The following WDFY1 variants were observed in gnomAD, a reference collection of about 807,000 sequenced individuals.
WDFY1 encodes the protein WD repeat and FYVE domain containing 1.
WDFY1 carries 32 observed loss-of-function variants against 56.4 expected under a neutral mutation model. The observed-to-expected ratio is 0.57, with a 90% confidence interval of 0.43 to 0.76. The LOEUF is 0.76. Among genes scored for constraint, WDFY1 ranks in the 30% least tolerant of loss-of-function variants. The pLI is 0.00. For missense variants in WDFY1, 480 were observed against 545.7 expected, an observed-to-expected ratio of 0.88 and a Z score of 1.20; for synonymous variants, 192 against 197.3, an observed-to-expected ratio of 0.97 and a Z score of 0.23.
At chr2:223,915,660 CAAT>C (rs1693775492) in intron 2 of WDFY1, among the ~76,000 whole-genome samples, 1 of 152,156 alleles carries the variant, frequency 6.6e-6, no homozygotes, top group African/African-American at 2.4e-5. Context: ...AAATTTTCCC[CAAT>C]GATGACAAAA....
chr2:223,911,813 T>C (rs1342549406), intron 3 of WDFY1, among the ~76,000 whole-genome samples: 1 of 76,582 alleles, frequency 1.3e-5, no homozygotes, highest in African/African-American at 4.8e-5. Context: ...CTATACTGAA[T>C]TAAACTTTTT....
intron 3 of WDFY1, among the ~76,000 whole-genome samples, chr2:223,911,995 C>T (rs1383525518): frequency 3.3e-5 from 5 of 151,712 alleles, no homozygotes; most frequent in Non-Finnish European, 7.4e-5. Context: ...TTTGATTTTT[C>T]GTTGAGATGA....
chr2:223,917,565 AT>A (rs1693808163), intron 2 of WDFY1, among the ~76,000 whole-genome samples: 2 of 152,096 alleles, frequency 1.3e-5, no homozygotes, highest in Admixed American at 1.3e-4. Flanking sequence ...TTAATCAGAC[AT>A]TTTGAAACTT....
intron 8 of WDFY1, among the ~76,000 whole-genome samples, chr2:223,889,761 T>A (rs1693236117): frequency 6.6e-6 from 1 of 152,246 alleles, no homozygotes; most frequent in African/African-American, 2.4e-5. Context: ...CAGTAGTATA[T>A]ACCTCATAAG....
chr2:223,884,862 T>TTCA, intron 8 of WDFY1, 113 bp from the exon 9 acceptor site: 4 of 273,658 alleles, frequency 1.5e-5, no homozygotes, highest in Non-Finnish European at 2.3e-5. Flanking sequence ...TTTTCTTCTT[T>TTCA]TTTTTTTTTT....
chr2:223,915,790 G>T (rs569988794), intron 2 of WDFY1, among the ~76,000 whole-genome samples: 52 of 152,278 alleles, frequency 3.4e-4, no homozygotes, highest in African/African-American at 1.2e-3. Flanking sequence ...TGGGAGACTG[G>T]GGCAGGTTGG....
chr2:223,893,354 CAA>C (rs557812473), intron 8 of WDFY1, among the ~76,000 whole-genome samples: 23 of 108,676 alleles, frequency 2.1e-4, no homozygotes, highest in African/African-American at 3.0e-4. Context: ...CTGTCTCTAC[CAA>C]AAAAAAAAAA....
chr2:223,945,310 C>G lies in WDFY1; in HGVS notation c.-26G>C, dbSNP rs781766269. The G allele has an allele frequency of 1.9e-6, 3 of 1,551,846 alleles. No homozygotes were observed. The highest frequency in any genetic ancestry group is 2.6e-6 in the Non-Finnish European group (3 of 1,157,720). ...GTTCGCGCGGCGACTGCTGCGGCCT[C>G]CTCGGCAGGCAGCCCATCAGCTGAC... On this transcript the variant is annotated 5_prime_UTR_variant, in exon 1 of 12. Transcript: ENST00000233055.
rs1692952100 is a variant in WDFY1 at position 223,875,470 on chromosome 2, T to C, written c.*3201A>G. 1 of 151,486 alleles carries C rather than the reference T, an allele frequency of 6.6e-6. No homozygotes were observed. Among genetic ancestry groups the C allele is most frequent in the Non-Finnish European group, 1.5e-5 (1 of 67,974 alleles). The allele number at this position is 151,486 out of a possible 1,614,324, so 9.4% of individuals were successfully genotyped here. A position where few individuals can be genotyped will look rare whatever the true frequency, so the allele number is the denominator to read the frequency against. On this transcript the variant is annotated 3_prime_UTR_variant, in exon 12 of 12. Transcript: ENST00000233055. ...TCTCTGGGATACACAGGGCACCATATCTTATAGAAACATAGCTAGTACAAG... is the reference window on the plus strand; with the variant it reads ...TCTCTGGGATACACAGGGCACCATACCTTATAGAAACATAGCTAGTACAAG...
intron 6 of WDFY1, among the ~76,000 whole-genome samples, chr2:223,896,678 G>A (rs1477590653): frequency 1.3e-5 from 2 of 152,088 alleles, no homozygotes; most frequent in Non-Finnish European, 2.9e-5. Flanking sequence ...AATTTTGGTA[G>A]GTATATAGAA....
chr2:223,885,079 A>C (rs1383581084), intron 8 of WDFY1, among the ~76,000 whole-genome samples: 1 of 151,950 alleles, frequency 6.6e-6, no homozygotes, highest in Non-Finnish European at 1.5e-5. Context: ...TGACCTCCCA[A>C]AGTGCTGGGA....
intron 4 of WDFY1, among the ~76,000 whole-genome samples, chr2:223,902,936 T>A (rs912385887): frequency 2.0e-5 from 3 of 152,170 alleles, no homozygotes; most frequent in Non-Finnish European, 2.9e-5. Context: ...AAAGATGCTG[T>A]AGTGAATAGT....
chr2:223,940,819 GTTT>G (rs760193084), intron 1 of WDFY1, among the ~76,000 whole-genome samples: 1 of 149,412 alleles, frequency 6.7e-6, no homozygotes, highest in Non-Finnish European at 1.5e-5. Flanking sequence ...ATTTTTGTGG[GTTT>G]TTTTGTTTTT....
chr2:223,878,587 G>A lies in WDFY1; in HGVS notation c.*84C>T, dbSNP rs900548187. The stretch of plus-strand genomic sequence containing the variant: ...TTGTAAGTGGCTACTGTCCATTCAC[G>A]AGACAGCGCTGTGGAGCTGCGTGAG... On this transcript the variant is annotated 3_prime_UTR_variant, in exon 12 of 12. Transcript: ENST00000233055. The A allele has an allele frequency of 1.2e-5, 12 of 1,024,258 alleles. No homozygotes were observed. The Admixed American group carries it at 2.2e-4, about 19-fold the overall frequency. 63.4% of individuals were successfully genotyped at this position (1,024,258 alleles called of 1,614,324 possible).
At chr2:223,920,672 C>T (rs1339271919) in intron 1 of WDFY1, among the ~76,000 whole-genome samples, 1 of 152,168 alleles carries the variant, frequency 6.6e-6, no homozygotes, top group Non-Finnish European at 1.5e-5. Context: ...CAAAGTCTCA[C>T]CAGGCATGGC....
intron 1 of WDFY1, among the ~76,000 whole-genome samples, chr2:223,939,192 CT>C (rs1187693502): frequency 1.3e-5 from 2 of 152,206 alleles, no homozygotes; most frequent in Non-Finnish European, 2.9e-5. Flanking sequence ...CCCCACCTGA[CT>C]TTCCAAATCA....
intron 6 of WDFY1, among the ~76,000 whole-genome samples, chr2:223,897,746 G>A (rs997065940): frequency 2.0e-5 from 3 of 152,064 alleles, no homozygotes; most frequent in African/African-American, 7.2e-5. Context: ...GCTCATGGGG[G>A]TGGATTTCTC....
At chr2:223,878,926 G>A (rs1693017649) in intron 11 of WDFY1, among the ~76,000 whole-genome samples, 196 bp from the exon 12 acceptor site, 1 of 152,372 alleles carries the variant, frequency 6.6e-6, no homozygotes, top group South Asian at 2.1e-4. Context: ...GCTCACGCCT[G>A]TAATCCCAAC....
At chr2:223,933,340 C>A (rs1157092838) in intron 1 of WDFY1, among the ~76,000 whole-genome samples, 1 of 82,960 alleles carries the variant, frequency 1.2e-5, no homozygotes, top group East Asian at 2.4e-4. Flanking sequence ...GGCTGAAAAC[C>A]TGCAGATTTT....
Sources: allele counts gnomAD v4.1 joint callset (sites outside exome capture counted in the v4.1 genomes callset), GRCh38; gene constraint gnomAD v4.1.1; transcripts MANE v1.5; gene names NCBI Gene and HGNC (gene_info 2026-07-23, HGNC 2026-07-21).